BCAR3: variants seen among roughly 807,000 people sequenced by gnomAD.
BCAR3 encodes the protein breast cancer anti-estrogen resistance protein 3.
A neutral mutation model predicts 80.1 loss-of-function variants in BCAR3; 37 were observed. The observed-to-expected ratio is 0.46, with a 90% CI of 0.36 to 0.61. The LOEUF is 0.61. Among genes scored for constraint, BCAR3 ranks in the 20% least tolerant of loss-of-function variants. The probability of loss-of-function intolerance (pLI) is 0.00; values close to 1 mark genes in which losing one functional copy is unlikely to be tolerated. For missense variants in BCAR3, 978 were observed against 1,068.2 expected, an observed-to-expected ratio of 0.92 and a Z score of 1.18; for synonymous variants, 389 against 418.9, an observed-to-expected ratio of 0.93 and a Z score of 0.87.
intron 3 of BCAR3, among the ~76,000 whole-genome samples, chr1:93,617,478 T>C (rs1247257868): frequency 6.6e-6 from 1 of 152,146 alleles, no homozygotes; most frequent in African/African-American, 2.4e-5. Context: ...ACTCTGCCCA[T>C]GGCTAGAGGA....
At chr1:93,639,226 G>A (rs1365447740) in intron 3 of BCAR3, among the ~76,000 whole-genome samples, 4 of 152,130 alleles carry the variant, frequency 2.6e-5, no homozygotes, top group East Asian at 3.9e-4. Context: ...CAACACAAAC[G>A]GTGCACGGTG....
chr1:93,755,720 C>G (rs1651720694), intron 2 of BCAR3, among the ~76,000 whole-genome samples: 1 of 152,246 alleles, frequency 6.6e-6, no homozygotes, highest in African/African-American at 2.4e-5. Context: ...TTAAGCTACA[C>G]ACGACTATAT....
chr1:93,773,265 C>A (rs546006040), intron 2 of BCAR3, among the ~76,000 whole-genome samples: 1 of 152,238 alleles, frequency 6.6e-6, no homozygotes, highest in Admixed American at 6.5e-5. Flanking sequence ...CACAGTTGTT[C>A]AAACCAATCA....
Position 93,823,213 on chromosome 1 carries a change from T to C in BCAR3, c.-63+22354A>G, listed in dbSNP as rs1441271742. Among the ~76,000 whole-genome samples the C allele has an allele frequency of 1.5e-5, 2 of 133,924 alleles. 1 individual carries two copies. The highest frequency in any genetic ancestry group is 3.4e-5 in the Non-Finnish European group (2 of 59,252). The allele number at this position is 133,924 out of a possible 152,430, so 87.9% of individuals were successfully genotyped here. A position where few individuals can be genotyped will look rare whatever the true frequency, so the allele number is the denominator to read the frequency against. Reference sequence around the variant, plus strand: ...TACCAGGAGGCACCTTCCCCAGGTTTCTTGCTGGGTGAGGTGCTAAGTGTC... The same window carrying C: ...TACCAGGAGGCACCTTCCCCAGGTTCCTTGCTGGGTGAGGTGCTAAGTGTC... On this transcript the variant is annotated intron_variant, in intron 2 of 13. Transcript: ENST00000370244.
chr1:93,847,598 A>G (rs1389909902), upstream of BCAR3: 2 of 152,474 alleles, frequency 1.3e-5, no homozygotes, highest in Admixed American at 6.5e-5. Context: ...TGGATAGCGC[A>G]TTGGACTTCT....
chr1:93,845,816 T>C (rs1655155289), intron 1 of BCAR3: 1 of 152,146 alleles, frequency 6.6e-6, no homozygotes. Context: ...TGTGTAAGCA[T>C]GCATCTGGGC....
chr1:93,713,527 T>C (rs1650096331), intron 2 of BCAR3, among the ~76,000 whole-genome samples: 1 of 152,100 alleles, frequency 6.6e-6, no homozygotes, highest in Non-Finnish European at 1.5e-5. Context: ...CAGAGTGAAA[T>C]GTGCTCATTT....
intron 1 of BCAR3, chr1:93,846,771 C>T (rs1390661697): frequency 1.1e-5 from 5 of 441,330 alleles, no homozygotes; most frequent in Non-Finnish European, 1.9e-5. Context: ...GGCAGCTGCG[C>T]GGCGTCCTTG....
chr1:93,834,390 AC>A (rs1187604359), intron 2 of BCAR3, among the ~76,000 whole-genome samples: 1 of 152,028 alleles, frequency 6.6e-6, no homozygotes, highest in African/African-American at 2.4e-5. Flanking sequence ...TTCTAGATAA[AC>A]CTAGCTGACC....
chr1:93,700,534 T>TC (rs923139978), intron 3 of BCAR3, among the ~76,000 whole-genome samples: 1 of 152,188 alleles, frequency 6.6e-6, no homozygotes, highest in African/African-American at 2.4e-5. Flanking sequence ...TACCTGAGCA[T>TC]CCCCGATGGG....
At chr1:93,707,469 G>T (rs1162592732) in intron 2 of BCAR3, among the ~76,000 whole-genome samples, 3 of 152,030 alleles carry the variant, frequency 2.0e-5, no homozygotes, top group Non-Finnish European at 4.4e-5. Flanking sequence ...CAGCACTTTG[G>T]GAGGCCAAGG....
At chr1:93,715,053 A>G (rs1245228287) in intron 2 of BCAR3, among the ~76,000 whole-genome samples, 3 of 152,188 alleles carry the variant, frequency 2.0e-5, no homozygotes, top group Admixed American at 6.5e-5. Flanking sequence ...TTACTTGAAC[A>G]CTCATTCAAC....
Position 93,582,238 on chromosome 1 carries a change from G to A in BCAR3, c.1686+63C>T, listed in dbSNP as rs1021534399. 6.5e-5 allele frequency: 100 copies of A among 1,546,760 alleles called. 1 individual carries two copies. The highest frequency in any genetic ancestry group is 6.0e-4 in the Middle Eastern group (3 of 4,972). On this transcript the variant is annotated intron_variant, in intron 7 of 11. Coordinates refer to ENST00000260502, the MANE Select transcript of BCAR3 (RefSeq NM_003567.4). Reference sequence around the variant, plus strand: ...AACCTACAAAAGCCAGAGGAGCACCGGGACCCCTAGCTCTTACCAAACCTT... The same window carrying A: ...AACCTACAAAAGCCAGAGGAGCACCAGGACCCCTAGCTCTTACCAAACCTT...
rs1673226407 is a variant in BCAR3 at position 93,571,733 on chromosome 1, C to T, written c.1911G>A (p.Leu637=). 3 of 1,614,178 alleles carry T rather than the reference C, an allele frequency of 1.9e-6. No individual in the cohort carries two copies. The highest frequency in any genetic ancestry group is 3.3e-5 in the Admixed American group (2 of 60,022). The change falls in exon 9 of 12, where the codon CTG becomes CTA. Residue 637 remains leucine, a synonymous_variant. Transcript: ENST00000260502. ...AATAGAGGTCCCCCATGGAATCCTTCAGTTCCACCGCCACCTGGATGATCT... is the reference window on the plus strand; with the variant it reads ...AATAGAGGTCCCCCATGGAATCCTTTAGTTCCACCGCCACCTGGATGATCT... The part of the protein sequence containing the change: ...LSKIIQVAVE[L]KDSMGDLYSF...
At chr1:93,726,724 T>C (rs1650596914) in intron 2 of BCAR3, among the ~76,000 whole-genome samples, 1 of 152,232 alleles carries the variant, frequency 6.6e-6, no homozygotes, top group Admixed American at 6.5e-5. Flanking sequence ...TCGTGGTTCA[T>C]CGTATCACTG....
chr1:93,691,850 A>G (rs984568440), intron 3 of BCAR3, among the ~76,000 whole-genome samples: 3 of 152,176 alleles, frequency 2.0e-5, no homozygotes, highest in African/African-American at 7.2e-5. Context: ...AATATGTACA[A>G]TTCACTCCCA....
Position 93,584,138 on chromosome 1 carries a change from A to G in BCAR3, c.930-17T>C. On this transcript the variant is annotated splice_polypyrimidine_tract_variant and intron_variant, in intron 5 of 11. Transcript: ENST00000260502. ...TCTTTGTTTCTGAAGTAAAAGACAC[A>G]TAGGATGGAAATGTGTTACTAACGT... 1 of 1,610,212 alleles carries G rather than the reference A, an allele frequency of 6.2e-7. No individual in the cohort carries two copies. Among genetic ancestry groups the G allele is most frequent in the Non-Finnish European group, 8.5e-7 (1 of 1,176,912 alleles).
upstream of BCAR3, among the ~76,000 whole-genome samples, chr1:93,683,069 A>T (rs1421928207): frequency 2.0e-5 from 3 of 152,222 alleles, no homozygotes; most frequent in Non-Finnish European, 2.9e-5. Context: ...CAGAGTGAGA[A>T]AACATAATTG....
chr1:93,619,916 T>TG (rs1675258793), intron 3 of BCAR3, among the ~76,000 whole-genome samples: 2 of 152,224 alleles, frequency 1.3e-5, no homozygotes, highest in African/African-American at 2.4e-5. Context: ...TGGGTGACTT[T>TG]GGGGAATTAA....
Sources: allele counts gnomAD v4.1 joint callset (sites outside exome capture counted in the v4.1 genomes callset), GRCh38; gene constraint gnomAD v4.1.1; transcripts MANE v1.5; gene names NCBI Gene and HGNC (gene_info 2026-07-23, HGNC 2026-07-21).